RBFOX1: variants seen among roughly 807,000 people sequenced by gnomAD.
The protein encoded by RBFOX1 is RNA binding protein fox-1 homolog 1.
In RBFOX1, 8 loss-of-function variants were observed where a neutral mutation model predicts 57.7. The ratio of observed to expected loss-of-function variants is 0.14; its 90% CI spans 0.08 to 0.25. The LOEUF is 0.25. RBFOX1 is among the 10% of genes least tolerant of loss of function. The probability of loss-of-function intolerance (pLI) is 1.00; values close to 1 mark genes in which losing one functional copy is unlikely to be tolerated. For missense variants in RBFOX1, 611 were observed against 548.5 expected (o/e 1.11, Z -1.14); for synonymous variants, 326 against 222.4 (o/e 1.47, Z -4.15).
intron 1 of RBFOX1, among the ~76,000 whole-genome samples, chr16:6,289,970 G>A (rs2077297556): frequency 1.3e-5 from 2 of 152,176 alleles, no homozygotes; most frequent in South Asian, 4.1e-4. Flanking sequence ...TTCACAAGGT[G>A]AATATGGAGA....
intron 1 of RBFOX1, among the ~76,000 whole-genome samples, chr16:6,270,540 T>G (rs7193076): frequency 0.97 from 146,708 of 151,728 alleles, 71,126 homozygotes; most frequent in East Asian, 1. Context: ...AAGAATAGCA[T>G]TCCTAAATGT....
chr16:6,866,613 C>CAG (rs1374374447), intron 3 of RBFOX1, among the ~76,000 whole-genome samples: 12 of 129,584 alleles, frequency 9.3e-5, no homozygotes, highest in Non-Finnish European at 1.5e-4. Context: ...GCGATCTCGG[C>CAG]TCACTGCAAG....
At chr16:6,786,815 A>G (rs556480490) in intron 3 of RBFOX1, among the ~76,000 whole-genome samples, 1 of 152,292 alleles carries the variant, frequency 6.6e-6, no homozygotes, top group Admixed American at 6.5e-5. Context: ...GGTCATGGTC[A>G]CAATTGACTA....
At chr16:6,828,792 G>A (rs561008669) in intron 3 of RBFOX1, among the ~76,000 whole-genome samples, 1 of 151,986 alleles carries the variant, frequency 6.6e-6, no homozygotes, top group Admixed American at 6.6e-5. Flanking sequence ...GAATACCTAC[G>A]TTTGGTGTAA....
chr16:6,691,257 A>G (rs924540377), intron 3 of RBFOX1, among the ~76,000 whole-genome samples: 5 of 152,156 alleles, frequency 3.3e-5, no homozygotes, highest in African/African-American at 1.2e-4. Context: ...CCGTGTCTAT[A>G]CAGAGCATCT....
intron 1 of RBFOX1, among the ~76,000 whole-genome samples, chr16:5,303,889 C>T (rs1426200620): frequency 1.3e-5 from 2 of 152,068 alleles, no homozygotes; most frequent in Admixed American, 1.3e-4. Context: ...AGGCCCACAC[C>T]CTGCATATCA....
intron 2 of RBFOX1, among the ~76,000 whole-genome samples, chr16:6,340,950 C>T (rs931741575): frequency 1.3e-5 from 2 of 151,884 alleles, no homozygotes; most frequent in Non-Finnish European, 1.5e-5. Context: ...TTAGGAAAAC[C>T]AGAAGAAAAA....
intron 1 of RBFOX1, among the ~76,000 whole-genome samples, chr16:6,279,423 A>G (rs1459950671): frequency 1.3e-5 from 2 of 152,184 alleles, no homozygotes; most frequent in African/African-American, 4.8e-5. Context: ...TAAGTCTTTG[A>G]CAATCTGTAA....
intron 1 of RBFOX1, among the ~76,000 whole-genome samples, chr16:6,289,127 A>C (rs920022249): frequency 6.6e-6 from 1 of 152,160 alleles, no homozygotes; most frequent in Non-Finnish European, 1.5e-5. Context: ...AAGGGAATTT[A>C]CTTATCTGTT....
chr16:5,341,619 G>A (rs915394830), intron 1 of RBFOX1, among the ~76,000 whole-genome samples: 1 of 152,096 alleles, frequency 6.6e-6, no homozygotes, highest in African/African-American at 2.4e-5. Context: ...TGTTTAGTAG[G>A]GTCCTAAGCT....
chr16:6,353,640 G>A (rs1049421151), intron 2 of RBFOX1, among the ~76,000 whole-genome samples: 2 of 152,064 alleles, frequency 1.3e-5, no homozygotes, highest in Non-Finnish European at 2.9e-5. Flanking sequence ...GAATTCAAAG[G>A]GGGCTTGTAT....
At position 5,331,857 on chromosome 16, in the gene RBFOX1, C is replaced by T. The variant is rs1018253670; in HGVS notation, c.219+91752C>T. Among the ~76,000 whole-genome samples, 8 of 152,242 alleles carry T rather than the reference C, an allele frequency of 5.3e-5. 1 individual carries two copies. The highest frequency in any genetic ancestry group is 1.7e-4 in the African/African-American group (7 of 41,472). On this transcript the variant is annotated intron_variant, in intron 1 of 2. Transcript: ENST00000585867. ...TGGTGACCATGCCCACCCTGGGCACCAACCCCTGTGTTCCAGTGGGGTCTG... is the reference window on the plus strand; with the variant it reads ...TGGTGACCATGCCCACCCTGGGCACTAACCCCTGTGTTCCAGTGGGGTCTG...
At chr16:7,067,163 G>C (rs764048190) in intron 4 of RBFOX1, among the ~76,000 whole-genome samples, 1 of 152,170 alleles carries the variant, frequency 6.6e-6, no homozygotes, top group Non-Finnish European at 1.5e-5. Flanking sequence ...GAACTGAACA[G>C]GTGATCCTTT....
At chr16:6,165,737 TCTC>T (rs1413845282) in intron 1 of RBFOX1, among the ~76,000 whole-genome samples, 6 of 152,332 alleles carry the variant, frequency 3.9e-5, no homozygotes, top group African/African-American at 7.2e-5. Context: ...AGCGTAATGC[TCTC>T]CTCATTTTTG....
intron 4 of RBFOX1, among the ~76,000 whole-genome samples, chr16:5,976,509 C>T (rs971796292): frequency 3.9e-5 from 6 of 152,100 alleles, no homozygotes; most frequent in African/African-American, 1.4e-4. Flanking sequence ...CCAGGGTGGT[C>T]CACTTCCCTT....
At chr16:5,828,527 A>C (rs1023722698) in intron 3 of RBFOX1, among the ~76,000 whole-genome samples, 2 of 151,974 alleles carry the variant, frequency 1.3e-5, no homozygotes. Flanking sequence ...GTGAAACCCC[A>C]TCTCTACTAA....
At chr16:6,645,738 G>A (rs761208590) in intron 2 of RBFOX1, among the ~76,000 whole-genome samples, 9 of 152,152 alleles carry the variant, frequency 5.9e-5, no homozygotes, top group Non-Finnish European at 1.2e-4. Context: ...GTTGGAAGAT[G>A]TCATCAAGGA....
chr16:6,133,555 A>G (rs1414249071), intron 1 of RBFOX1, among the ~76,000 whole-genome samples: 2 of 152,072 alleles, frequency 1.3e-5, no homozygotes, highest in African/African-American at 2.4e-5. Flanking sequence ...ACCCCTCCCC[A>G]TTAGTTCTTT....
intron 3 of RBFOX1, among the ~76,000 whole-genome samples, chr16:6,785,225 C>T (rs1321858246): frequency 6.6e-6 from 1 of 152,088 alleles, no homozygotes; most frequent in African/African-American, 2.4e-5. Flanking sequence ...TTGAGGGAAT[C>T]TCCCAGTCCG....
Sources: gnomAD v4.1 joint callset for allele counts (sites outside exome capture counted in the v4.1 genomes callset) on GRCh38, gnomAD v4.1.1 for gene constraint, MANE v1.5 for transcripts, NCBI Gene and HGNC (gene_info 2026-07-23, HGNC 2026-07-21) for gene names.